Variants in RBFOX1 observed in about 807,000 individuals in gnomAD.
RBFOX1 encodes the protein RNA binding protein fox-1 homolog 1.
In RBFOX1, 8 loss-of-function variants were observed where a neutral mutation model predicts 57.7. That is an observed-to-expected ratio of 0.14 (90% CI 0.08 to 0.25). RBFOX1 has a LOEUF of 0.25. RBFOX1 is among the 10% of genes least tolerant of loss of function. The probability of loss-of-function intolerance (pLI) is 1.00; values close to 1 mark genes in which losing one functional copy is unlikely to be tolerated. For synonymous variants in RBFOX1, 326 were observed against 222.4 expected, an observed-to-expected ratio of 1.47 and a Z score of -4.15; for missense variants, 611 against 548.5, an observed-to-expected ratio of 1.11 and a Z score of -1.14.
At chr16:7,510,326 T>G (rs2074686687) in intron 4 of RBFOX1, 2 of 985,744 alleles carry the variant, frequency 2.0e-6, no homozygotes, top group African/African-American at 3.5e-5. Context: ...TTTTTGTTTT[T>G]TTTTCCATTT....
intron 1 of RBFOX1, among the ~76,000 whole-genome samples, chr16:6,227,749 C>G (rs2097428786): frequency 6.6e-6 from 1 of 152,188 alleles, no homozygotes; most frequent in African/African-American, 2.4e-5. Flanking sequence ...AACCTCCAAA[C>G]TTGTGTTTTG....
chr16:7,346,798 C>A (rs541380377), intron 4 of RBFOX1, among the ~76,000 whole-genome samples: 1 of 152,114 alleles, frequency 6.6e-6, no homozygotes, highest in Admixed American at 6.5e-5. Flanking sequence ...GGTTGATGAT[C>A]TCCACCATTC....
chr16:5,911,268 C>T (rs541069574), intron 4 of RBFOX1, among the ~76,000 whole-genome samples: 2 of 152,262 alleles, frequency 1.3e-5, no homozygotes, highest in African/African-American at 4.8e-5. Context: ...CCCAGAAAAA[C>T]GTCCATCATC....
chr16:5,304,161 G>C (rs933858698), intron 1 of RBFOX1, among the ~76,000 whole-genome samples: 9 of 152,166 alleles, frequency 5.9e-5, no homozygotes, highest in Non-Finnish European at 1.3e-4. Flanking sequence ...TACCAAGGAA[G>C]GCTTCATCAT....
chr16:7,637,644 C>T (rs1290315790), intron 11 of RBFOX1, among the ~76,000 whole-genome samples: 2 of 152,142 alleles, frequency 1.3e-5, no homozygotes, highest in African/African-American at 4.8e-5. Context: ...AGAAAGGACA[C>T]ATACAGGTCA....
chr16:7,448,792 C>T (rs1035314205), intron 4 of RBFOX1, among the ~76,000 whole-genome samples: 2 of 152,120 alleles, frequency 1.3e-5, no homozygotes, highest in Non-Finnish European at 2.9e-5. Context: ...CTGTCTTCAC[C>T]TAATCTTCTT....
intron 1 of RBFOX1, among the ~76,000 whole-genome samples, chr16:6,210,739 AAAG>A (rs2097291045): frequency 6.6e-6 from 1 of 152,180 alleles, no homozygotes; most frequent in Non-Finnish European, 1.5e-5. Context: ...AAAAAAAAGA[AAAG>A]AAAAGAAAAG....
intron 3 of RBFOX1, among the ~76,000 whole-genome samples, chr16:6,832,118 T>C (rs983618102): frequency 2.0e-5 from 3 of 152,218 alleles, no homozygotes; most frequent in Admixed American, 2.0e-4. Flanking sequence ...AGGATAAAAC[T>C]TTTTCCTGAT....
chr16:6,855,504 TTAGC>T (rs1172960459), intron 3 of RBFOX1, among the ~76,000 whole-genome samples: 2 of 151,518 alleles, frequency 1.3e-5, no homozygotes, highest in Non-Finnish European at 2.9e-5. Flanking sequence ...ACAGAAAAAA[TTAGC>T]TGGGGGCGAT....
intron 1 of RBFOX1, among the ~76,000 whole-genome samples, chr16:6,293,833 C>T (rs1246533638): frequency 6.6e-6 from 1 of 151,098 alleles, no homozygotes. Context: ...ACCTCAAATA[C>T]ACTCTCTTCA....
chr16:6,865,228 C>G (rs7197636), intron 3 of RBFOX1, among the ~76,000 whole-genome samples: 2 of 151,670 alleles, frequency 1.3e-5, no homozygotes, highest in Admixed American at 6.6e-5. Context: ...GTCTCGAACT[C>G]CTGACCTCAG....
intron 1 of RBFOX1, among the ~76,000 whole-genome samples, chr16:5,290,501 T>C (rs900163761): frequency 6.6e-6 from 1 of 152,190 alleles, no homozygotes; most frequent in African/African-American, 2.4e-5. Context: ...ACTGAAACCA[T>C]TGATTTGTTC....
At chr16:7,168,345 C>G (rs995779108) in intron 4 of RBFOX1, among the ~76,000 whole-genome samples, 7 of 152,036 alleles carry the variant, frequency 4.6e-5, no homozygotes, top group African/African-American at 9.7e-5. Context: ...GAAACCTTGT[C>G]TGATATGTGC....
At chr16:6,151,862 G>A (rs546238090) in intron 1 of RBFOX1, among the ~76,000 whole-genome samples, 1 of 152,320 alleles carries the variant, frequency 6.6e-6, no homozygotes, top group East Asian at 1.9e-4. Flanking sequence ...TTCTTTTGCA[G>A]TTTGGCTGAA....
intron 3 of RBFOX1, among the ~76,000 whole-genome samples, chr16:6,868,451 C>G (rs575643264): frequency 3.3e-5 from 5 of 151,768 alleles, no homozygotes; most frequent in African/African-American, 7.3e-5. Flanking sequence ...AAGTCACATT[C>G]AAGCCAGTGT....
chr16:6,190,472 C>T (rs189426795), intron 1 of RBFOX1, among the ~76,000 whole-genome samples: 22 of 152,280 alleles, frequency 1.4e-4, no homozygotes, highest in Admixed American at 3.9e-4. Context: ...ACTTAGTTTT[C>T]TAATCCTGTG....
intron 4 of RBFOX1, among the ~76,000 whole-genome samples, chr16:6,001,776 A>C (rs955473170): frequency 3.9e-5 from 6 of 152,164 alleles, no homozygotes; most frequent in Non-Finnish European, 8.8e-5. Context: ...TATATGACAG[A>C]AGCCATGAGG....
At chr16:7,378,344 T>C (rs1325640810) in intron 4 of RBFOX1, among the ~76,000 whole-genome samples, 2 of 152,022 alleles carry the variant, frequency 1.3e-5, no homozygotes, top group African/African-American at 4.8e-5. Flanking sequence ...GGTTTAGGGA[T>C]TGAGAGTATG....
At chr16:6,801,139 C>G (rs537034180) in intron 3 of RBFOX1, among the ~76,000 whole-genome samples, 1 of 150,834 alleles carries the variant, frequency 6.6e-6, no homozygotes, top group African/African-American at 2.4e-5. Flanking sequence ...CTGATATGCT[C>G]CTAGGTGATG....
Sources: allele counts gnomAD v4.1 joint callset (sites outside exome capture counted in the v4.1 genomes callset), GRCh38; gene constraint gnomAD v4.1.1; transcripts MANE v1.5; gene names NCBI Gene and HGNC (gene_info 2026-07-23, HGNC 2026-07-21).